The following PCDHA11 variants were observed in gnomAD, a reference collection of about 807,000 sequenced individuals.
PCDHA11 encodes the protein protocadherin alpha 11.
Under a neutral mutation model 70.3 loss-of-function variants are expected in PCDHA11, and 61 were observed. That is an observed-to-expected ratio of 0.87 (90% CI 0.71 to 1.07). PCDHA11 has a LOEUF of 1.07. Among genes scored for constraint, PCDHA11 ranks in the 50% least tolerant of loss-of-function variants. The pLI is 0.00. For missense variants in PCDHA11, 1,324 were observed against 1,237.5 expected, an observed-to-expected ratio of 1.07 and a Z score of -1.05; for synonymous variants, 633 against 555.1, an observed-to-expected ratio of 1.14 and a Z score of -1.97.
At chr5:140,994,451 C>T (rs782287082) in intron 3 of PCDHA11, among the ~76,000 whole-genome samples, 14 of 152,116 alleles carry the variant, frequency 9.2e-5, no homozygotes, top group Non-Finnish European at 1.6e-4. Flanking sequence ...ACCTGTGATC[C>T]CAGCACTTTG....
chr5:140,993,293 A>T (rs1445204823), intron 3 of PCDHA11, among the ~76,000 whole-genome samples: 1 of 152,062 alleles, frequency 6.6e-6, no homozygotes, highest in Non-Finnish European at 1.5e-5. Context: ...CAGGGTCACA[A>T]CCTTGCCTCC....
chr5:140,926,358 A>C (rs1157995876), intron 1 of PCDHA11: 1 of 152,230 alleles, frequency 6.6e-6, no homozygotes, highest in Non-Finnish European at 1.5e-5. Context: ...CGGCTCCCAA[A>C]GGGCGGCAGG....
At chr5:140,978,913 T>C in intron 1 of PCDHA11, 36 bp from the exon 2 acceptor site, 1 of 1,613,902 alleles carries the variant, frequency 6.2e-7, no homozygotes, top group Non-Finnish European at 8.5e-7. Flanking sequence ...CATTGTCTTG[T>C]CATTTTAACA....
At chr5:140,974,350 C>T (rs555781549) in intron 1 of PCDHA11, among the ~76,000 whole-genome samples, 1 of 152,304 alleles carries the variant, frequency 6.6e-6, no homozygotes, top group South Asian at 2.1e-4. Flanking sequence ...GCATCCAGAA[C>T]TAAACAGACC....
chr5:140,883,712 G>A lies in PCDHA11; in HGVS notation c.2391+12218G>A, dbSNP rs372048294. On this transcript the variant is annotated intron_variant, in intron 1 of 3. Transcript: ENST00000398640. ...CATCTTCACGGTGTCTGCTCAGGAC[G>A]CGGACGCACAGGAGAACGCGCTGGT... 1.6e-5 allele frequency: 26 copies of A among 1,613,658 alleles called. No homozygotes were observed. The highest frequency in any genetic ancestry group is 2.2e-5 in the East Asian group (1 of 44,880).
At chr5:140,901,282 T>A (rs555723354) in intron 1 of PCDHA11, among the ~76,000 whole-genome samples, 44 of 152,318 alleles carry the variant, frequency 2.9e-4, no homozygotes, top group African/African-American at 1.0e-3. Context: ...CAAGAAATTT[T>A]TGCCCAGACT....
chr5:140,966,454 C>A (rs897696652), intron 1 of PCDHA11: 2 of 426,524 alleles, frequency 4.7e-6, no homozygotes, highest in Non-Finnish European at 8.1e-6. Flanking sequence ...TCCCCCTCCC[C>A]CTCTGTCTTC....
At chr5:140,884,547 C>T (rs1554181712) in intron 1 of PCDHA11, 5 of 1,614,214 alleles carry the variant, frequency 3.1e-6, no homozygotes, top group Admixed American at 1.7e-5. Context: ...AGGGTGTGCT[C>T]TGGGGAGGGC....
chr5:140,882,309 T>C (rs745321942), intron 1 of PCDHA11: 1 of 1,614,090 alleles, frequency 6.2e-7, no homozygotes, highest in Non-Finnish European at 8.5e-7. Flanking sequence ...CCGCGGCAAC[T>C]ACTGCTCTGG....
intron 1 of PCDHA11, chr5:140,927,385 C>T (rs781913021): frequency 1.9e-6 from 3 of 1,614,098 alleles, no homozygotes; most frequent in Non-Finnish European, 1.7e-6. Flanking sequence ...CAGCCTAAGC[C>T]CCAGTCAGCA....
chr5:140,978,246 C>T (rs1243560833), intron 1 of PCDHA11, among the ~76,000 whole-genome samples: 1 of 152,148 alleles, frequency 6.6e-6, no homozygotes, highest in Non-Finnish European at 1.5e-5. Flanking sequence ...TCAGCTACTC[C>T]CTGTTAAACA....
At chr5:140,874,633 C>T (rs1399730965) in intron 1 of PCDHA11, among the ~76,000 whole-genome samples, 3 of 152,208 alleles carry the variant, frequency 2.0e-5, no homozygotes, top group African/African-American at 7.2e-5. Flanking sequence ...CATTAAAGTG[C>T]TTTACTTTTG....
chr5:140,943,525 T>C (rs891940980), intron 1 of PCDHA11, among the ~76,000 whole-genome samples: 7 of 152,148 alleles, frequency 4.6e-5, no homozygotes, highest in African/African-American at 7.2e-5. Flanking sequence ...GAGTTCAGTA[T>C]GCAAAATGTC....
At chr5:140,957,130 A>C in intron 1 of PCDHA11, among the ~76,000 whole-genome samples, 1 of 152,188 alleles carries the variant, frequency 6.6e-6, no homozygotes, top group Middle Eastern at 3.2e-3. Flanking sequence ...TCTTTACTAC[A>C]CTATGAACTA....
intron 1 of PCDHA11, among the ~76,000 whole-genome samples, chr5:140,922,677 G>C (rs545719033): frequency 6.6e-6 from 1 of 152,306 alleles, no homozygotes; most frequent in Admixed American, 6.5e-5. Flanking sequence ...CAGTAAAAAA[G>C]TGAACAGGCT....
chr5:140,950,515 C>T lies in PCDHA11; in HGVS notation c.2392-28434C>T, dbSNP rs144121614. 1.4e-3 allele frequency among the ~76,000 whole-genome samples: 220 copies of T among 151,996 alleles called. 1 individual carries two copies. The highest frequency in any genetic ancestry group is 4.9e-3 in the African/African-American group (204 of 41,490). On this transcript the variant is annotated intron_variant, in intron 1 of 3. Transcript: ENST00000398640. The stretch of plus-strand genomic sequence containing the variant: ...CATTTAAGTCATTATTCCCTGTGTG[C>T]GATATGATTGTTTTTGTTGCTCTTG...
At chr5:140,891,285 G>T (rs1402021884) in intron 1 of PCDHA11, among the ~76,000 whole-genome samples, 1 of 152,102 alleles carries the variant, frequency 6.6e-6, no homozygotes, top group South Asian at 2.1e-4. Flanking sequence ...GTTATTGGGG[G>T]TACAGGTGGT....
rs569728778 is a variant in PCDHA11 at position 140,900,297 on chromosome 5, T to G, written c.2391+28803T>G. 1.4e-4 allele frequency among the ~76,000 whole-genome samples: 22 copies of G among 151,920 alleles called. No individual in the cohort carries two copies. In the East Asian group the frequency reaches 4.1e-3, roughly 28 times the overall value. On this transcript the variant is annotated intron_variant, in intron 1 of 3. Transcript: ENST00000398640. Reference sequence around the variant, plus strand: ...TACCACACTTTCTTTTCTGTTTTTTTAGACAGTCTCACTTTTGTCGCCCAG... The same window carrying G: ...TACCACACTTTCTTTTCTGTTTTTTGAGACAGTCTCACTTTTGTCGCCCAG...
intron 1 of PCDHA11, among the ~76,000 whole-genome samples, chr5:140,922,855 A>C (rs1216713034): frequency 6.6e-6 from 1 of 152,246 alleles, no homozygotes; most frequent in Non-Finnish European, 1.5e-5. Context: ...GACCAAATAC[A>C]TAGACAAGGG....
Sources: allele counts gnomAD v4.1 joint callset (sites outside exome capture counted in the v4.1 genomes callset), GRCh38; gene constraint gnomAD v4.1.1; transcripts MANE v1.5; gene names NCBI Gene and HGNC (gene_info 2026-07-23, HGNC 2026-07-21).